ZNF804B: variants seen among roughly 807,000 people sequenced by gnomAD.
ZNF804B encodes the protein zinc finger protein 804B.
In ZNF804B, 80 loss-of-function variants were observed where a neutral mutation model predicts 101.4. The ratio of observed to expected loss-of-function variants is 0.79; its 90% CI spans 0.66 to 0.95. The LOEUF (loss-of-function observed/expected upper bound fraction) is 0.95, where lower values mean the gene tolerates loss of function less well. Among genes scored for constraint, ZNF804B ranks in the 40% least tolerant of loss-of-function variants. The pLI is 0.00. For missense variants in ZNF804B, 1,673 were observed against 1,561.9 expected (o/e 1.07, Z -1.20); for synonymous variants, 622 against 558.8 (o/e 1.11, Z -1.59).
At chr7:89,258,236 A>T (rs1242871179) in intron 2 of ZNF804B, among the ~76,000 whole-genome samples, 3 of 152,110 alleles carry the variant, frequency 2.0e-5, no homozygotes, top group Admixed American at 6.6e-5. Flanking sequence ...ATACTACACC[A>T]ATTTAAGTAA....
chr7:89,147,998 C>T (rs1284825082), intron 1 of ZNF804B, among the ~76,000 whole-genome samples: 2 of 151,908 alleles, frequency 1.3e-5, no homozygotes, highest in Non-Finnish European at 2.9e-5. Flanking sequence ...ATCCCGAAAG[C>T]ATCCCTTGCC....
intron 1 of ZNF804B, among the ~76,000 whole-genome samples, chr7:88,865,706 C>A (rs903330783): frequency 5.3e-5 from 8 of 152,120 alleles, no homozygotes; most frequent in African/African-American, 1.7e-4. Context: ...GAGGGCCAGC[C>A]CCCTTTAGGG....
chr7:89,169,616 G>C lies in ZNF804B; in HGVS notation c.109-48539G>C, dbSNP rs574761848. On this transcript the variant is annotated intron_variant, in intron 1 of 3. Coordinates refer to ENST00000333190, the MANE Select transcript of ZNF804B (RefSeq NM_181646.5). ...CTAGATTTATACTATTTCTTCAATA[G>C]TCTAAGGTCATTGTTCTCATACATA... Among the ~76,000 whole-genome samples, 4 of 152,240 alleles carry C rather than the reference G, an allele frequency of 2.6e-5. No individual in the cohort carries two copies. The South Asian group carries it at 8.3e-4, about 32-fold the overall frequency.
chr7:89,335,518 T>C lies in ZNF804B; in HGVS notation c.2536T>C (p.Cys846Arg). The C allele has an allele frequency of 6.2e-7, 1 of 1,613,886 alleles. No individual in the cohort carries two copies. Among genetic ancestry groups the C allele is most frequent in the African/African-American group, 1.3e-5 (1 of 74,976 alleles). The stretch of plus-strand genomic sequence containing the variant: ...TGGAAGCAGTAAAAAACCACCTAAT[T>C]GCCAGGGAACTCAGCACGACAGATT... ...CTGSSKKPPN[C>R]QGTQHDRLDS... is the part of the protein sequence containing the mutation. Residue 846 changes from cysteine to arginine, a missense_variant, in exon 4 of 4, where the codon TGC (cysteine) becomes CGC (arginine). Cys to Arg is a radical substitution (Grantham distance 180, BLOSUM62 -3). Transcript: ENST00000333190.
chr7:89,044,652 G>A (rs1260278008), intron 1 of ZNF804B, among the ~76,000 whole-genome samples: 1 of 152,140 alleles, frequency 6.6e-6, no homozygotes, highest in African/African-American at 2.4e-5. Flanking sequence ...GGGAACTGGA[G>A]TAAAAATGAC....
intron 1 of ZNF804B, among the ~76,000 whole-genome samples, chr7:89,207,094 G>A (rs1584054060): frequency 6.6e-6 from 1 of 152,102 alleles, no homozygotes. Context: ...ATATTTTCCT[G>A]TTTTCTTCTG....
At chr7:89,306,868 A>G (rs1159244443) in intron 2 of ZNF804B, among the ~76,000 whole-genome samples, 3 of 152,028 alleles carry the variant, frequency 2.0e-5, no homozygotes, top group South Asian at 2.1e-4. Context: ...TTCCATCACT[A>G]TTACAAGGAA....
At chr7:88,991,132 T>C (rs893490616) in intron 1 of ZNF804B, among the ~76,000 whole-genome samples, 1 of 152,140 alleles carries the variant, frequency 6.6e-6, no homozygotes, top group African/African-American at 2.4e-5. Context: ...TACTTTTAGG[T>C]ACAGAGGAAA....
intron 1 of ZNF804B, among the ~76,000 whole-genome samples, chr7:89,003,907 T>C (rs1340248338): frequency 6.6e-6 from 1 of 151,902 alleles, no homozygotes; most frequent in Non-Finnish European, 1.5e-5. Context: ...TCTAGCCTGT[T>C]TGTGAGTGCC....
At chr7:88,838,840 A>G (rs1791255332) in intron 1 of ZNF804B, among the ~76,000 whole-genome samples, 1 of 152,004 alleles carries the variant, frequency 6.6e-6, no homozygotes, top group African/African-American at 2.4e-5. Context: ...TTAACATAGT[A>G]AGGCTTCCAA....
chr7:89,157,899 T>C (rs1791000680), intron 1 of ZNF804B, among the ~76,000 whole-genome samples: 1 of 152,188 alleles, frequency 6.6e-6, no homozygotes, highest in Non-Finnish European at 1.5e-5. Context: ...GAAAATGTAC[T>C]GAAAGTTAAT....
chr7:89,115,451 C>T (rs534322328), intron 1 of ZNF804B, among the ~76,000 whole-genome samples: 43 of 152,132 alleles, frequency 2.8e-4, no homozygotes, highest in Non-Finnish European at 4.9e-4. Flanking sequence ...CCTATTAAGA[C>T]AACACATAGA....
At chr7:88,871,082 A>G (rs1390359025) in intron 1 of ZNF804B, among the ~76,000 whole-genome samples, 5 of 152,224 alleles carry the variant, frequency 3.3e-5, no homozygotes, top group African/African-American at 7.2e-5. Flanking sequence ...GGAGAACAAC[A>G]TAAACTGATT....
intron 1 of ZNF804B, among the ~76,000 whole-genome samples, chr7:89,163,162 A>T (rs140976586): frequency 4.0e-4 from 61 of 152,296 alleles, no homozygotes; most frequent in African/African-American, 1.4e-3. Flanking sequence ...ACATGGGAAC[A>T]TATTTTCAGT....
chr7:88,914,071 C>G (rs1792593884), intron 1 of ZNF804B, among the ~76,000 whole-genome samples: 1 of 152,140 alleles, frequency 6.6e-6, no homozygotes, highest in African/African-American at 2.4e-5. Flanking sequence ...ATGTGCCTAC[C>G]AGGCTGCTAG....
At chr7:89,249,459 A>G (rs1789507174) in intron 2 of ZNF804B, among the ~76,000 whole-genome samples, 1 of 152,212 alleles carries the variant, frequency 6.6e-6, no homozygotes, top group Non-Finnish European at 1.5e-5. Context: ...GAATAAAAAC[A>G]GAAATCAATA....
chr7:88,825,801 T>C (rs1478354327), intron 1 of ZNF804B, among the ~76,000 whole-genome samples: 1 of 152,176 alleles, frequency 6.6e-6, no homozygotes, highest in Admixed American at 6.6e-5. Flanking sequence ...TGCTGCTCAC[T>C]TAAACTCTTC....
At chr7:89,187,758 T>C (rs1788395437) in intron 1 of ZNF804B, among the ~76,000 whole-genome samples, 1 of 152,190 alleles carries the variant, frequency 6.6e-6, no homozygotes, top group Admixed American at 6.6e-5. Flanking sequence ...TTATATTAAC[T>C]GACTTCTTTT....
At chr7:89,111,746 C>T (rs554857369) in intron 1 of ZNF804B, among the ~76,000 whole-genome samples, 5 of 152,046 alleles carry the variant, frequency 3.3e-5, no homozygotes, top group East Asian at 1.9e-4. Flanking sequence ...TTTTCTTTCA[C>T]GGATTGTCCT....
Sources: allele counts gnomAD v4.1 joint callset (sites outside exome capture counted in the v4.1 genomes callset), GRCh38; gene constraint gnomAD v4.1.1; transcripts MANE v1.5; gene names NCBI Gene and HGNC (gene_info 2026-07-23, HGNC 2026-07-21).